Variants in GCSH observed in about 807,000 individuals in gnomAD.
The protein encoded by GCSH is glycine cleavage system protein H, also known as glycine cleavage system H protein, mitochondrial.
GCSH carries 15 observed loss-of-function variants against 21.3 expected under a neutral mutation model. The ratio of observed to expected loss-of-function variants is 0.70; its 90% confidence interval spans 0.47 to 1.08. The LOEUF (loss-of-function observed/expected upper bound fraction) is 1.08. GCSH is among the 50% of genes least tolerant of loss of function. GCSH has a pLI of 0.00. For synonymous variants in GCSH, 59 were observed against 84.5 expected, an observed-to-expected ratio of 0.70 and a Z score of 1.66; for missense variants, 179 against 217.5, an observed-to-expected ratio of 0.82 and a Z score of 1.11.
chr16:81,083,102 A>C lies in GCSH; in HGVS notation c.425-139T>G, dbSNP rs558124481. On this transcript the variant is annotated intron_variant, in intron 4 of 4. Transcript: ENST00000315467. ...TACATTATTTGTTCATAGAACTTTA[A>C]ATTTTAGCCTTAAGAATTAAAATAC... The C allele has an allele frequency of 8.5e-4, 599 of 706,444 alleles. 4 individuals carry two copies. The Middle Eastern group carries it at 0.018, about 21-fold the overall frequency. 43.8% of individuals were successfully genotyped at this position (706,444 alleles called of 1,614,324 possible). A position where few individuals can be genotyped will look rare whatever the true frequency, so the allele number is the denominator to read the frequency against.
At chr16:81,085,110 G>A (rs1016371388) in intron 3 of GCSH, among the ~76,000 whole-genome samples, 5 of 150,280 alleles carry the variant, frequency 3.3e-5, no homozygotes, top group Non-Finnish European at 7.4e-5. Flanking sequence ...TGCCTCCCGG[G>A]TTCAAGCCAT....
At position 81,086,508 on chromosome 16, in the gene GCSH, T is replaced by C. The variant is rs533208464; in HGVS notation, c.292+1093A>G. On this transcript the variant is annotated intron_variant, in intron 3 of 4. Coordinates refer to ENST00000315467, the MANE Select transcript of GCSH (RefSeq NM_004483.5). ...GGAGGCGGAGGTTGCAGTGAGCCAA[T>C]GTCGCACCATCGCATTCCAGCCTGG... Among the ~76,000 whole-genome samples the C allele has an allele frequency of 4.6e-5, 7 of 151,956 alleles. No homozygotes were observed. The East Asian group carries it at 1.4e-3, about 29-fold the overall frequency.
chr16:81,090,990 A>G, intron 1 of GCSH: 1 of 479,736 alleles, frequency 2.1e-6, no homozygotes, highest in East Asian at 4.9e-5. Context: ...TCAAATGTAT[A>G]CTTAACTATT....
chr16:81,087,353 C>T (rs1972303579), intron 3 of GCSH, among the ~76,000 whole-genome samples: 1 of 152,090 alleles, frequency 6.6e-6, no homozygotes, highest in Admixed American at 6.6e-5. Flanking sequence ...TGGGGAAACT[C>T]TGTCTCTACA....
chr16:81,095,311 G>A (rs985471803), intron 1 of GCSH, among the ~76,000 whole-genome samples: 66 of 151,856 alleles, frequency 4.3e-4, no homozygotes, highest in African/African-American at 1.5e-3. Context: ...TTGTTTTGGG[G>A]AAATAGCTGA....
At position 81,087,630 on chromosome 16, in the gene GCSH, G is replaced by C; in HGVS notation, c.263C>G (p.Pro88Arg). The change falls in exon 3 of 5, where the codon CCT (proline) becomes CGT (arginine). Residue 88 changes from proline (P) to arginine (R), a missense_variant. Pro to Arg is a moderately radical substitution (Grantham distance 103). Coordinates refer to ENST00000315467, the MANE Select transcript of GCSH (RefSeq NM_004483.5). ...TTTGTTCAATTTTGTCCCAACTTCA[G>C]GGAGACTACAATAAACAACATCTCC... ...ALGDVVYCSLPEVGTKLNKQD... is the reference protein window; with the variant it reads ...ALGDVVYCSLREVGTKLNKQD... 6.2e-7 allele frequency: 1 copy of C among 1,611,972 alleles called. No homozygotes were observed. Among genetic ancestry groups the C allele is most frequent in the Non-Finnish European group, 8.5e-7 (1 of 1,178,370 alleles).
intron 1 of GCSH, 70 bp downstream of exon 1, chr16:81,096,061 G>A: frequency 8.4e-7 from 1 of 1,195,936 alleles, no homozygotes. Flanking sequence ...CGTCCTCCGT[G>A]TCCCGCTGGG....
At chr16:81,090,555 T>C (rs1231547224) in intron 2 of GCSH, 46 bp downstream of exon 2, 2 of 1,270,246 alleles carry the variant, frequency 1.6e-6, no homozygotes, top group Non-Finnish European at 2.3e-6. Flanking sequence ...ATAAAGCAAA[T>C]CATGCAAGAG....
Position 81,087,952 on chromosome 16 carries a change from C to T in GCSH, c.229-288G>A, listed in dbSNP as rs370439569. Among the ~76,000 whole-genome samples the T allele has an allele frequency of 3.9e-5, 6 of 152,106 alleles. No homozygotes were observed. The East Asian group carries it at 7.8e-4, about 20-fold the overall frequency. On this transcript the variant is annotated intron_variant, in intron 2 of 4. Coordinates refer to ENST00000315467, the MANE Select transcript of GCSH (RefSeq NM_004483.5). Reference sequence around the variant, plus strand: ...ACCAGCCTGGTTGACATGGTGAAACCCAGTCTCTAATAAAAATACAAAAAT... The same window carrying T: ...ACCAGCCTGGTTGACATGGTGAAACTCAGTCTCTAATAAAAATACAAAAAT...
chr16:81,090,559 G>T (rs754787966), intron 2 of GCSH, 42 bp downstream of exon 2: 3 of 1,295,816 alleles, frequency 2.3e-6, no homozygotes, highest in South Asian at 2.4e-5. Context: ...AGCAAATCAT[G>T]CAAGAGCACA....
intron 1 of GCSH, among the ~76,000 whole-genome samples, chr16:81,092,588 C>A (rs1972418568): frequency 6.7e-6 from 1 of 149,194 alleles, no homozygotes; most frequent in African/African-American, 2.5e-5. Context: ...TAAAAAAATA[C>A]AAAAATTAGC....
At chr16:81,087,358 T>C (rs1972303760) in intron 3 of GCSH, among the ~76,000 whole-genome samples, 1 of 152,020 alleles carries the variant, frequency 6.6e-6, no homozygotes, top group Non-Finnish European at 1.5e-5. Flanking sequence ...AAACTCTGTC[T>C]CTACAATACA....
chr16:81,089,325 T>G (rs1329890474), intron 2 of GCSH, among the ~76,000 whole-genome samples: 1 of 152,230 alleles, frequency 6.6e-6, no homozygotes, highest in Non-Finnish European at 1.5e-5. Context: ...AATGAGCATT[T>G]TCTTTAAGAG....
intron 1 of GCSH, among the ~76,000 whole-genome samples, chr16:81,091,929 A>C (rs1331907781): frequency 1.3e-5 from 2 of 152,210 alleles, no homozygotes; most frequent in African/African-American, 4.8e-5. Flanking sequence ...CAAGTATATA[A>C]TTCAATATTG....
chr16:81,086,979 A>G (rs1972293468), intron 3 of GCSH, among the ~76,000 whole-genome samples: 1 of 152,242 alleles, frequency 6.6e-6, no homozygotes, highest in Non-Finnish European at 1.5e-5. Context: ...TTTTACATCA[A>G]GTTAAAAAAC....
chr16:81,094,997 G>T (rs1040703611), intron 1 of GCSH, among the ~76,000 whole-genome samples: 4 of 151,798 alleles, frequency 2.6e-5, no homozygotes, highest in African/African-American at 9.7e-5. Flanking sequence ...GGAGGCTGAG[G>T]CAAGAGAATC....
intron 2 of GCSH, 138 bp from the exon 3 acceptor site, chr16:81,087,802 G>A: frequency 2.8e-6 from 2 of 703,098 alleles, no homozygotes; most frequent in Non-Finnish European, 5.0e-6. Flanking sequence ...ACATTCTTGA[G>A]TTTTCCTTAA....
At position 81,082,175 on chromosome 16, in the gene GCSH, T is replaced by C. The variant is rs1198944670; in HGVS notation, c.*691A>G. On this transcript the variant is annotated 3_prime_UTR_variant, in exon 5 of 5. Coordinates refer to ENST00000315467, the MANE Select transcript of GCSH (RefSeq NM_004483.5). ...GATCTTGGCTTAAGAAAAACCAGAT[T>C]TGTGACTAAAGAAAACATTTTCTTG... The C allele has an allele frequency of 8.8e-6, 4 of 453,992 alleles. No homozygotes were observed. The highest frequency in any genetic ancestry group is 4.7e-5 in the Admixed American group (2 of 42,542). 28.1% of individuals were successfully genotyped at this position (453,992 alleles called of 1,614,324 possible).
At chr16:81,087,242 T>C (rs1010406824) in intron 3 of GCSH, among the ~76,000 whole-genome samples, 2 of 152,074 alleles carry the variant, frequency 1.3e-5, no homozygotes, top group Non-Finnish European at 2.9e-5. Context: ...AGCACTCTAA[T>C]TGGCTGGGCA....
Sources: allele counts gnomAD v4.1 joint callset (sites outside exome capture counted in the v4.1 genomes callset), GRCh38; gene constraint gnomAD v4.1.1; transcripts MANE v1.5; gene names NCBI Gene and HGNC (gene_info 2026-07-23, HGNC 2026-07-21).